The following GPR141 variants were observed in gnomAD, a reference collection of about 807,000 sequenced individuals.
The protein encoded by GPR141 is G protein-coupled receptor 141, also known as probable G protein-coupled receptor 141.
In GPR141, 6 loss-of-function variants were observed where a neutral mutation model predicts 6.8. The ratio of observed to expected loss-of-function variants is 0.88; its 90% CI spans 0.48 to 1.74. The LOEUF is 1.74. GPR141 is among the 40% of genes most tolerant of loss of function. The pLI is 0.01. For synonymous variants in GPR141, 140 were observed against 142.3 expected, an observed-to-expected ratio of 0.98 and a Z score of 0.11; for missense variants, 372 against 372.9, an observed-to-expected ratio of 1.00 and a Z score of 0.02.
intron 2 of GPR141, among the ~76,000 whole-genome samples, chr7:37,691,159 G>T (rs1020608928): frequency 6.6e-6 from 1 of 150,700 alleles, no homozygotes; most frequent in African/African-American, 2.4e-5. Context: ...TGTTTACATG[G>T]AATATCTTTT....
At chr7:37,740,009 C>T (rs957214348) in intron 2 of GPR141, among the ~76,000 whole-genome samples, 2 of 152,104 alleles carry the variant, frequency 1.3e-5, no homozygotes, top group African/African-American at 4.8e-5. Flanking sequence ...ATGAATCCAT[C>T]GATCTTTCTA....
chr7:37,694,745 T>C lies in GPR141; in HGVS notation c.-15+9162T>C, dbSNP rs530884807. Among the ~76,000 whole-genome samples the C allele has an allele frequency of 3.9e-5, 6 of 152,284 alleles. No homozygotes were observed. The South Asian group carries it at 1.0e-3, about 26-fold the overall frequency. On this transcript the variant is annotated intron_variant, in intron 2 of 2. Coordinates refer to ENST00000334425, the MANE Select transcript of GPR141 (RefSeq NM_001381946.1). The stretch of plus-strand genomic sequence containing the variant: ...TCAGGGAAATTCTCACAGGAATTAA[T>C]AGAGCAAGAATTCACTTATTACCAT...
At chr7:37,735,086 T>C (rs1459127208) in intron 2 of GPR141, among the ~76,000 whole-genome samples, 1 of 152,208 alleles carries the variant, frequency 6.6e-6, no homozygotes, top group Non-Finnish European at 1.5e-5. Flanking sequence ...TTGCGTTAGC[T>C]TCTGCATCTT....
chr7:37,711,366 T>C (rs75870604), intron 2 of GPR141, among the ~76,000 whole-genome samples: 4,981 of 152,274 alleles, frequency 0.033, 276 homozygotes, highest in African/African-American at 0.11. Flanking sequence ...GAGCATCTTC[T>C]TGGCTACAGC....
chr7:37,725,084 A>AT (rs557412358), intron 2 of GPR141, among the ~76,000 whole-genome samples: 179 of 152,018 alleles, frequency 1.2e-3, no homozygotes, highest in African/African-American at 4.0e-3. Context: ...AGAATTTGTG[A>AT]TTTTTTCTTC....
At chr7:37,727,364 T>G (rs143227572) in intron 2 of GPR141, among the ~76,000 whole-genome samples, 9 of 152,314 alleles carry the variant, frequency 5.9e-5, no homozygotes, top group African/African-American at 2.2e-4. Context: ...TCTTGACCTT[T>G]TTTGCTTCTA....
intron 2 of GPR141, among the ~76,000 whole-genome samples, chr7:37,735,765 G>A (rs1221921284): frequency 6.6e-6 from 1 of 152,112 alleles, no homozygotes; most frequent in Non-Finnish European, 1.5e-5. Context: ...TTCTTGACGA[G>A]CCTTTTGAAA....
chr7:37,717,954 T>C (rs6951258), intron 2 of GPR141, among the ~76,000 whole-genome samples: 9,280 of 152,232 alleles, frequency 0.061, 972 homozygotes, highest in African/African-American at 0.21. Flanking sequence ...CCTGGTCTAA[T>C]TGCCTTGCGA....
chr7:37,685,947 A>T (rs1300625040), intron 2 of GPR141, among the ~76,000 whole-genome samples: 1 of 151,854 alleles, frequency 6.6e-6, no homozygotes, highest in Non-Finnish European at 1.5e-5. Flanking sequence ...ACTATAAGAG[A>T]CGTAGCATGT....
chr7:37,741,375 G>A lies in GPR141; in HGVS notation c.*64G>A. On this transcript the variant is annotated 3_prime_UTR_variant, in exon 3 of 3. Transcript: ENST00000334425. ...GGGAATAAAAATGGGTATAGGGGAGGTAAGAATGGTATTTCATTACTTGAT... is the reference window on the plus strand; with the variant it reads ...GGGAATAAAAATGGGTATAGGGGAGATAAGAATGGTATTTCATTACTTGAT... 1 of 1,183,576 alleles carries A rather than the reference G, an allele frequency of 8.4e-7. No homozygotes were observed. 73.3% of individuals were successfully genotyped at this position (1,183,576 alleles called of 1,614,324 possible). A position where few individuals can be genotyped will look rare whatever the true frequency, so the allele number is the denominator to read the frequency against.
At chr7:37,701,432 A>G (rs556045214) in intron 2 of GPR141, among the ~76,000 whole-genome samples, 2 of 152,292 alleles carry the variant, frequency 1.3e-5, no homozygotes, top group African/African-American at 2.4e-5. Context: ...TCTCAGCTCA[A>G]TTCTGTCTTC....
intron 2 of GPR141, among the ~76,000 whole-genome samples, chr7:37,701,419 A>G (rs772958335): frequency 6.6e-6 from 1 of 152,184 alleles, no homozygotes; most frequent in Non-Finnish European, 1.5e-5. Context: ...AAGCACCACT[A>G]GATCTCAGCT....
intron 2 of GPR141, among the ~76,000 whole-genome samples, chr7:37,729,036 G>T (rs1328449609): frequency 6.6e-6 from 1 of 152,138 alleles, no homozygotes; most frequent in Non-Finnish European, 1.5e-5. Context: ...CTGGAGGTAT[G>T]AAAGAGAACA....
intron 2 of GPR141, among the ~76,000 whole-genome samples, chr7:37,729,725 G>T (rs911998173): frequency 2.0e-5 from 3 of 152,344 alleles, no homozygotes; most frequent in Admixed American, 6.5e-5. Flanking sequence ...TCAAAGATGT[G>T]CAAGACTGTG....
rs567046185 is a variant in GPR141 at position 37,743,187 on chromosome 7, A to G, written c.*1876A>G. On this transcript the variant is annotated 3_prime_UTR_variant, in exon 3 of 3. Coordinates refer to ENST00000334425, the MANE Select transcript of GPR141 (RefSeq NM_001381946.1). ...AATTAAGGGAACTTTTTTTTTCATC[A>G]AGGTATATCTTCGGGATTTAAAAGT... is the stretch of plus-strand genomic sequence containing the variant. 1.3e-5 allele frequency among the ~76,000 whole-genome samples: 2 copies of G among 151,500 alleles called. No individual in the cohort carries two copies. The highest frequency in any genetic ancestry group is 4.2e-4 in the South Asian group (2 of 4,798).
intron 2 of GPR141, among the ~76,000 whole-genome samples, chr7:37,712,315 C>A (rs1215910615): frequency 6.6e-6 from 1 of 152,044 alleles, no homozygotes; most frequent in African/African-American, 2.4e-5. Context: ...CCTGGGCTGG[C>A]CTGAATCGGT....
chr7:37,716,395 A>G (rs1811052742), intron 2 of GPR141, among the ~76,000 whole-genome samples: 1 of 152,182 alleles, frequency 6.6e-6, no homozygotes, highest in South Asian at 2.1e-4. Flanking sequence ...AGGGGGTGAA[A>G]GATTTCTTAG....
At chr7:37,687,349 A>G (rs1982389) in intron 2 of GPR141, among the ~76,000 whole-genome samples, 4,917 of 152,246 alleles carry the variant, frequency 0.032, 114 homozygotes, top group Middle Eastern at 0.054. Context: ...AGCTTTGTAT[A>G]TAGTTGGTGT....
At chr7:37,687,006 C>T (rs1223224300) in intron 2 of GPR141, among the ~76,000 whole-genome samples, 2 of 152,068 alleles carry the variant, frequency 1.3e-5, no homozygotes, top group Non-Finnish European at 2.9e-5. Context: ...TCAGCTGGAA[C>T]ATCATGCATA....
Sources: allele counts gnomAD v4.1 joint callset (sites outside exome capture counted in the v4.1 genomes callset), GRCh38; gene constraint gnomAD v4.1.1; transcripts MANE v1.5; gene names NCBI Gene and HGNC (gene_info 2026-07-23, HGNC 2026-07-21).